Variants in CLGN observed in about 807,000 individuals in gnomAD.
The protein encoded by CLGN is testis tissue sperm-binding protein Li 79P.
Under a neutral mutation model 79.1 loss-of-function variants are expected in CLGN, and 62 were observed. The ratio of observed to expected loss-of-function variants is 0.78; its 90% CI spans 0.64 to 0.97. The LOEUF (loss-of-function observed/expected upper bound fraction) is 0.97, where lower values mean the gene tolerates loss of function less well. Ranked by LOEUF, CLGN falls within the 50% of genes least tolerant of loss-of-function variation. The probability of loss-of-function intolerance (pLI) is 0.00; values close to 1 mark genes in which losing one functional copy is unlikely to be tolerated. For synonymous variants in CLGN, 225 were observed against 224.7 expected, an observed-to-expected ratio of 1.00 and a Z score of -0.01; for missense variants, 647 against 715.5, an observed-to-expected ratio of 0.90 and a Z score of 1.09.
rs1354933522 is a variant in CLGN at position 140,406,088 on chromosome 4, A to G, written c.278-5T>C. 6.2e-7 allele frequency: 1 copy of G among 1,611,096 alleles called. No individual in the cohort carries two copies. Among genetic ancestry groups the G allele is most frequent in the African/African-American group, 1.3e-5 (1 of 74,832 alleles). Reference sequence around the variant, plus strand: ...ACTCTTCAATTTCCCATCTTCCTAAAAAATAAAGCAAAGCAAATTAAACTA... The same window carrying G: ...ACTCTTCAATTTCCCATCTTCCTAAGAAATAAAGCAAAGCAAATTAAACTA... On this transcript the variant is annotated splice_region_variant and splice_polypyrimidine_tract_variant and intron_variant, in intron 4 of 14. Coordinates refer to ENST00000325617, the MANE Select transcript of CLGN (RefSeq NM_004362.3).
At chr4:140,392,749 T>G in intron 11 of CLGN, 38 bp from the exon 12 acceptor site, 1 of 1,530,944 alleles carries the variant, frequency 6.5e-7, no homozygotes, top group Non-Finnish European at 8.8e-7. Context: ...AATTCAAATT[T>G]TACAAACCTT....
intron 5 of CLGN, among the ~76,000 whole-genome samples, chr4:140,403,796 A>G (rs1328837238): frequency 6.6e-6 from 1 of 152,176 alleles, no homozygotes; most frequent in Non-Finnish European, 1.5e-5. Flanking sequence ...ATGATTCACA[A>G]TGGATTAGAG....
At chr4:140,405,193 T>TA (rs1447830370) in intron 5 of CLGN, among the ~76,000 whole-genome samples, 6 of 146,994 alleles carry the variant, frequency 4.1e-5, no homozygotes, top group Non-Finnish European at 9.0e-5. Context: ...TTTTTTTTAT[T>TA]TTTTTTTTTG....
At chr4:140,390,206 C>G (rs1486692865) in intron 14 of CLGN, among the ~76,000 whole-genome samples, 3 of 151,766 alleles carry the variant, frequency 2.0e-5, no homozygotes, top group Admixed American at 2.0e-4. Flanking sequence ...TAGTACTCAA[C>G]TACCCAATGA....
chr4:140,419,942 A>G (rs1729431888), intron 1 of CLGN, among the ~76,000 whole-genome samples: 1 of 152,194 alleles, frequency 6.6e-6, no homozygotes, highest in African/African-American at 2.4e-5. Flanking sequence ...TCATTGTTCT[A>G]AAAGCCTAAG....
At chr4:140,394,968 A>G (rs977340581) in intron 10 of CLGN, among the ~76,000 whole-genome samples, 2 of 152,020 alleles carry the variant, frequency 1.3e-5, no homozygotes, top group Non-Finnish European at 2.9e-5. Context: ...GATCACGGTC[A>G]GGAGTTCGAG....
At chr4:140,390,572 GA>G in intron 14 of CLGN, 55 bp downstream of exon 14, 1 of 1,246,822 alleles carries the variant, frequency 8.0e-7, no homozygotes. Flanking sequence ...TGCTTTTATT[GA>G]AAAAACTTTT....
chr4:140,401,516 G>A (rs551992523), intron 6 of CLGN, among the ~76,000 whole-genome samples: 2 of 152,174 alleles, frequency 1.3e-5, no homozygotes, highest in East Asian at 3.9e-4. Context: ...CTTTCCAATG[G>A]TCCTAATACA....
chr4:140,400,478 A>T lies in CLGN; in HGVS notation c.573T>A (p.Leu191=), dbSNP rs1349223677. The change falls in exon 7 of 15, where the codon CTT becomes CTA. Residue 191 remains leucine, a synonymous_variant. Transcript: ENST00000325617. The stretch of plus-strand genomic sequence containing the variant: ...GATGTTTATGTCTGAAGATAAAATG[A>T]AGTTTATAATCTTCTCCACATTTAT... ...GPDKCGEDYK[L]HFIFRHKHPK... is the part of the protein sequence containing the mutation. 6.2e-7 allele frequency: 1 copy of T among 1,604,364 alleles called. No homozygotes were observed. Among genetic ancestry groups the T allele is most frequent in the East Asian group, 2.2e-5 (1 of 44,724 alleles).
intron 14 of CLGN, 97 bp from the exon 15 acceptor site, chr4:140,389,401 C>T (rs889610527): frequency 2.1e-5 from 18 of 869,710 alleles, no homozygotes; most frequent in African/African-American, 5.1e-5. Context: ...AATATATGTG[C>T]TATCAATCAA....
At chr4:140,409,948 T>C in intron 3 of CLGN, 53 bp from the exon 4 acceptor site, 1 of 1,244,224 alleles carries the variant, frequency 8.0e-7, no homozygotes, top group South Asian at 1.3e-5. Flanking sequence ...AAGCAGCAAT[T>C]TATAGATATA....
chr4:140,415,032 TG>T (rs1405514800), intron 1 of CLGN, among the ~76,000 whole-genome samples: 1 of 151,010 alleles, frequency 6.6e-6, no homozygotes, highest in Non-Finnish European at 1.5e-5. Flanking sequence ...CAGAAGAGAG[TG>T]GGGGCCAATA....
At chr4:140,425,914 C>T (rs903978655) in intron 1 of CLGN, among the ~76,000 whole-genome samples, 1 of 152,072 alleles carries the variant, frequency 6.6e-6, no homozygotes, top group African/African-American at 2.4e-5. Context: ...CAAGCGTGAG[C>T]CACCGCGCCG....
At position 140,392,694 on chromosome 4, in the gene CLGN, C is replaced by T. The variant is rs775765418; in HGVS notation, c.1383G>A (p.Gln461=). The T allele has an allele frequency of 1.2e-6, 2 of 1,603,570 alleles. No individual in the cohort carries two copies. The highest frequency in any genetic ancestry group is 1.3e-5 in the African/African-American group (1 of 74,142). ...ANANKPGVLK[Q]LMAAAEGHPW... is the part of the protein sequence containing the mutation. ...GGTGCCCTTCAGCAGCTGCCATTAA[C>T]TGTTTTAATACACCAGGCTATAGAC... Residue 461 remains glutamine (Q), a synonymous_variant, in exon 12 of 15, where the codon CAG becomes CAA. Coordinates refer to ENST00000325617, the MANE Select transcript of CLGN (RefSeq NM_004362.3).
chr4:140,410,249 G>A (rs1042396810), intron 3 of CLGN, among the ~76,000 whole-genome samples: 6 of 151,814 alleles, frequency 4.0e-5, no homozygotes, highest in Non-Finnish European at 8.8e-5. Flanking sequence ...CCATTATTTA[G>A]AGTAGAGCAG....
intron 12 of CLGN, 30 bp from the exon 13 acceptor site, chr4:140,392,408 TA>T (rs1334948618): frequency 6.4e-7 from 1 of 1,569,124 alleles, no homozygotes; most frequent in African/African-American, 1.4e-5. Flanking sequence ...TTATTTTTAC[TA>T]AAGGCAGAGT....
rs1331014638 is a variant in CLGN, at chr4:140,392,282, G to C, written c.1588C>G (p.Leu530Val). 6.2e-7 allele frequency: 1 copy of C among 1,613,132 alleles called. No individual in the cohort carries two copies. The highest frequency in any genetic ancestry group is 2.2e-5 in the East Asian group (1 of 44,816). The stretch of plus-strand genomic sequence containing the variant: ...TCTTCCAGGTCCATTGGTTTTTCCA[G>C]GGCTGCTTTCTCTTCCTTTTCTTCT... ...EQEEKEEKAALEKPMDLEEEK... is the reference protein window; with the variant it reads ...EQEEKEEKAAVEKPMDLEEEK... The change falls in exon 13 of 15, where the codon CTG becomes GTG. Residue 530 changes from leucine to valine, a missense_variant. Physicochemically the swap from Leu to Val is conservative, Grantham distance 32 (BLOSUM62 1). Coordinates refer to ENST00000325617, the MANE Select transcript of CLGN (RefSeq NM_004362.3).
At chr4:140,415,264 C>T (rs1729305816) in intron 1 of CLGN, among the ~76,000 whole-genome samples, 1 of 152,066 alleles carries the variant, frequency 6.6e-6, no homozygotes, top group Admixed American at 6.6e-5. Context: ...ATGTAAAGAC[C>T]ATCAAGACTA....
intron 5 of CLGN, among the ~76,000 whole-genome samples, chr4:140,402,323 AT>A (rs1011382407): frequency 1.3e-5 from 2 of 152,114 alleles, no homozygotes; most frequent in African/African-American, 4.8e-5. Context: ...ATTTGTTTAA[AT>A]TTTTTTCCAT....
Sources: gnomAD v4.1 joint callset for allele counts (sites outside exome capture counted in the v4.1 genomes callset) on GRCh38, gnomAD v4.1.1 for gene constraint, MANE v1.5 for transcripts, NCBI Gene and HGNC (gene_info 2026-07-23, HGNC 2026-07-21) for gene names.